The following GRIK2 variants were observed in gnomAD, a reference collection of about 807,000 sequenced individuals.
GRIK2 encodes glutamate receptor ionotropic, kainate 2.
In GRIK2, 32 loss-of-function variants were observed where a neutral mutation model predicts 100.3. The observed-to-expected ratio is 0.32, with a 90% CI of 0.24 to 0.43. The LOEUF is 0.43. Among genes scored for constraint, GRIK2 ranks in the 20% least tolerant of loss-of-function variants. GRIK2 has a pLI of 1.00. For missense variants in GRIK2, 843 were observed against 1,114.9 expected, an observed-to-expected ratio of 0.76 and a Z score of 3.47; for synonymous variants, 417 against 389.4, an observed-to-expected ratio of 1.07 and a Z score of -0.83.
At chr6:101,565,933 G>A (rs7743020) in intron 2 of GRIK2, among the ~76,000 whole-genome samples, 11,177 of 60,628 alleles carry the variant, frequency 0.18, 812 homozygotes, top group East Asian at 0.29. Flanking sequence ...ATATATATAT[G>A]TGTATATATA....
chr6:101,566,715 G>GA (rs1777293063), intron 2 of GRIK2, among the ~76,000 whole-genome samples: 1 of 150,430 alleles, frequency 6.6e-6, no homozygotes, highest in African/African-American at 2.4e-5. Context: ...ATCAATCAGT[G>GA]AATTAAGTAA....
intron 14 of GRIK2, among the ~76,000 whole-genome samples, chr6:101,961,849 A>T (rs1042062365): frequency 1.3e-5 from 2 of 152,088 alleles, no homozygotes; most frequent in African/African-American, 4.8e-5. Context: ...TCTATAAGGG[A>T]TCTACTGGTG....
chr6:101,516,553 G>A, intron 2 of GRIK2, among the ~76,000 whole-genome samples: 1 of 151,858 alleles, frequency 6.6e-6, no homozygotes, highest in East Asian at 1.9e-4. Context: ...GAATGAAACT[G>A]GATCCTCATC....
intron 15 of GRIK2, among the ~76,000 whole-genome samples, chr6:102,051,937 A>T (rs370621860): frequency 6.6e-6 from 1 of 152,212 alleles, no homozygotes; most frequent in Non-Finnish European, 1.5e-5. Context: ...ATTCAGCAAC[A>T]TCAGTTCTTT....
intron 7 of GRIK2, among the ~76,000 whole-genome samples, chr6:101,751,057 G>A (rs138490896): frequency 0.013 from 1,932 of 152,006 alleles, 21 homozygotes; most frequent in Non-Finnish European, 0.019. Flanking sequence ...AATTTGTAAG[G>A]TCACCTCTAT....
chr6:101,536,618 TAGAG>T (rs1292196049), intron 2 of GRIK2, among the ~76,000 whole-genome samples: 9 of 151,730 alleles, frequency 5.9e-5, no homozygotes, highest in Non-Finnish European at 8.9e-5. Flanking sequence ...AAAACTTAGA[TAGAG>T]AGATACACAA....
At chr6:101,588,686 A>ACAC (rs1280438739) in intron 2 of GRIK2, among the ~76,000 whole-genome samples, 1 of 151,568 alleles carries the variant, frequency 6.6e-6, no homozygotes, top group Non-Finnish European at 1.5e-5. Flanking sequence ...ACACACACAG[A>ACAC]AAAGAAAGAA....
At chr6:102,060,945 T>C (rs541919348) in intron 16 of GRIK2, among the ~76,000 whole-genome samples, 28 of 150,782 alleles carry the variant, frequency 1.9e-4, no homozygotes, top group African/African-American at 6.3e-4. Context: ...AAAGTATAAA[T>C]AAACTTTGGA....
chr6:101,835,199 G>T (rs975377613), intron 10 of GRIK2, among the ~76,000 whole-genome samples: 3 of 151,954 alleles, frequency 2.0e-5, no homozygotes, highest in Non-Finnish European at 4.4e-5. Context: ...AAGCAATTTT[G>T]ATATTTTTTT....
At chr6:101,494,654 G>T (rs898266871) in intron 2 of GRIK2, among the ~76,000 whole-genome samples, 9 of 151,826 alleles carry the variant, frequency 5.9e-5, no homozygotes, top group African/African-American at 1.7e-4. Flanking sequence ...ACCAGGGCCA[G>T]GCATGGTGGC....
At chr6:102,015,588 C>T (rs1489498277) in intron 14 of GRIK2, among the ~76,000 whole-genome samples, 1 of 152,148 alleles carries the variant, frequency 6.6e-6, no homozygotes, top group Non-Finnish European at 1.5e-5. Flanking sequence ...GCGGCCAACA[C>T]CTGTACAGAG....
At chr6:101,410,845 T>G (rs12190898) in intron 2 of GRIK2, among the ~76,000 whole-genome samples, 13,678 of 152,094 alleles carry the variant, frequency 0.09, 639 homozygotes, top group South Asian at 0.11. Context: ...TGAAGATACT[T>G]AGTTTTTAAT....
chr6:101,950,940 TCAAG>T (rs1791570319), intron 14 of GRIK2, among the ~76,000 whole-genome samples: 1 of 152,122 alleles, frequency 6.6e-6, no homozygotes, highest in Non-Finnish European at 1.5e-5. Context: ...GCATTTGACT[TCAAG>T]CAAGGGCGGG....
intron 4 of GRIK2, among the ~76,000 whole-genome samples, chr6:101,629,253 T>A (rs1780599870): frequency 6.6e-6 from 1 of 152,142 alleles, no homozygotes; most frequent in African/African-American, 2.4e-5. Flanking sequence ...ATTTGAAAAG[T>A]CTGATTAGTT....
intron 2 of GRIK2, among the ~76,000 whole-genome samples, chr6:101,423,137 A>G (rs1776500216): frequency 6.6e-6 from 1 of 152,162 alleles, no homozygotes; most frequent in Admixed American, 6.5e-5. Flanking sequence ...TTCTCTATCC[A>G]TCCACCCCCA....
At chr6:101,592,588 C>CATATATATAT (rs3056161) in intron 2 of GRIK2, among the ~76,000 whole-genome samples, 1,396 of 101,666 alleles carry the variant, frequency 0.014, 18 homozygotes, top group Non-Finnish European at 0.017. Flanking sequence ...ACTAATATCA[C>CATATATATAT]ATATATATAT....
chr6:101,439,863 A>G (rs947232728), intron 2 of GRIK2, among the ~76,000 whole-genome samples: 1 of 152,114 alleles, frequency 6.6e-6, no homozygotes, highest in African/African-American at 2.4e-5. Context: ...AATTTATGAA[A>G]AATAAATAAT....
chr6:101,971,965 A>G (rs1793078314), intron 14 of GRIK2, among the ~76,000 whole-genome samples: 2 of 151,912 alleles, frequency 1.3e-5, no homozygotes, highest in South Asian at 4.1e-4. Context: ...CAAGGTATAT[A>G]TGCACCATAT....
chr6:101,781,567 A>G (rs118115126), intron 7 of GRIK2, among the ~76,000 whole-genome samples: 4,993 of 152,242 alleles, frequency 0.033, 142 homozygotes, highest in Non-Finnish European at 0.053. Context: ...GCATACATAC[A>G]CACATACCCC....
Sources: allele counts gnomAD v4.1 joint callset (sites outside exome capture counted in the v4.1 genomes callset), GRCh38; gene constraint gnomAD v4.1.1; transcripts MANE v1.5; gene names NCBI Gene and HGNC (gene_info 2026-07-23, HGNC 2026-07-21).